The following SAMD12 variants were observed in gnomAD, a reference collection of about 807,000 sequenced individuals.
The protein encoded by SAMD12 is sterile alpha motif domain-containing protein 12.
Under a neutral mutation model 15.0 loss-of-function variants are expected in SAMD12, and 9 were observed. That is an observed-to-expected ratio of 0.60 (90% confidence interval 0.36 to 1.05). The LOEUF (loss-of-function observed/expected upper bound fraction) is 1.05. Ranked by LOEUF, SAMD12 falls within the 50% of genes least tolerant of loss-of-function variation. The pLI, the probability that SAMD12 is intolerant of heterozygous loss-of-function variation, is 0.01. For synonymous variants in SAMD12, 86 were observed against 90.1 expected, an observed-to-expected ratio of 0.96 and a Z score of 0.25; for missense variants, 230 against 234.2, an observed-to-expected ratio of 0.98 and a Z score of 0.12.
chr8:118,340,338 GC>G (rs1817293717), intron 4 of SAMD12, among the ~76,000 whole-genome samples: 1 of 101,784 alleles, frequency 9.8e-6, no homozygotes, highest in South Asian at 3.2e-4. Context: ...TCTTTACCTT[GC>G]CAAGGGGGCC....
intron 3 of SAMD12, chr8:118,400,416 T>C (rs187971355): frequency 4.3e-4 from 65 of 152,348 alleles, no homozygotes; most frequent in African/African-American, 1.4e-3. Context: ...AACATGATTT[T>C]AAGAAACTTT....
intron 3 of SAMD12, 142 bp from the exon 4 acceptor site, chr8:118,379,842 A>G: frequency 2.9e-6 from 3 of 1,040,138 alleles, no homozygotes; most frequent in Non-Finnish European, 4.1e-6. Context: ...TTCCATTATT[A>G]TTGCTGACAC....
chr8:118,601,275 T>G (rs547094705), intron 1 of SAMD12, among the ~76,000 whole-genome samples: 1 of 152,214 alleles, frequency 6.6e-6, no homozygotes, highest in South Asian at 2.1e-4. Flanking sequence ...TTCTTAAATT[T>G]CTAATTGTAT....
At chr8:118,394,518 G>A (rs2130766096) in intron 3 of SAMD12, among the ~76,000 whole-genome samples, 1 of 152,244 alleles carries the variant, frequency 6.6e-6, no homozygotes, top group East Asian at 1.9e-4. Context: ...AATAATATTT[G>A]GGCAGTGTCA....
chr8:118,390,783 G>A (rs1289777472), intron 3 of SAMD12, among the ~76,000 whole-genome samples: 1 of 152,154 alleles, frequency 6.6e-6, no homozygotes, highest in Non-Finnish European at 1.5e-5. Context: ...CTGGGCCAAG[G>A]AAGAGAAGGG....
chr8:118,504,124 T>A (rs774706875), intron 2 of SAMD12, among the ~76,000 whole-genome samples: 1 of 152,132 alleles, frequency 6.6e-6, no homozygotes, highest in Non-Finnish European at 1.5e-5. Context: ...ATTATGAAAT[T>A]CATATTCACT....
At chr8:118,479,550 T>A (rs890094750) in intron 2 of SAMD12, among the ~76,000 whole-genome samples, 1 of 152,066 alleles carries the variant, frequency 6.6e-6, no homozygotes, top group African/African-American at 2.4e-5. Flanking sequence ...TCCCACCGGG[T>A]CCCTCCCACA....
chr8:118,458,994 T>C (rs1823338231), intron 2 of SAMD12, among the ~76,000 whole-genome samples: 1 of 151,528 alleles, frequency 6.6e-6, no homozygotes, highest in Non-Finnish European at 1.5e-5. Flanking sequence ...GTTTATTCAG[T>C]TCATGACTTC....
chr8:118,605,199 A>G (rs1681145734), intron 1 of SAMD12, among the ~76,000 whole-genome samples: 1 of 152,168 alleles, frequency 6.6e-6, no homozygotes. Context: ...CAGAACAGAA[A>G]GGGATGATAC....
At chr8:118,220,356 G>T (rs1370413985) in intron 4 of SAMD12, among the ~76,000 whole-genome samples, 1 of 152,060 alleles carries the variant, frequency 6.6e-6, no homozygotes, top group East Asian at 1.9e-4. Flanking sequence ...AAATAATCTG[G>T]CCATGATTCT....
chr8:118,145,981 G>T, the SAMD12 span, among the ~76,000 whole-genome samples: 6 of 152,200 alleles, frequency 3.9e-5, no homozygotes, highest in Non-Finnish European at 8.8e-5. Context: ...CTTGAAGGGA[G>T]ATCAAAGCGA....
At position 118,614,254 on chromosome 8, in the gene SAMD12, G is replaced by C. The variant is rs1173915846; in HGVS notation, c.13+7550C>G. Among the ~76,000 whole-genome samples, 3 of 152,274 alleles carry C rather than the reference G, an allele frequency of 2.0e-5. No individual in the cohort carries two copies. In the East Asian group the frequency reaches 5.8e-4, roughly 29 times the overall value. On this transcript the variant is annotated intron_variant, in intron 1 of 3. Coordinates refer to ENST00000314727, the MANE Select transcript of SAMD12 (RefSeq NM_207506.3). The stretch of plus-strand genomic sequence containing the variant: ...TTTACTGAGCACCTACCACAAACCA[G>C]GTCTTAAGAGCTTCCCTTATACTAA...
chr8:118,432,800 A>C (rs1822453951), intron 3 of SAMD12, among the ~76,000 whole-genome samples: 2 of 152,132 alleles, frequency 1.3e-5, no homozygotes, highest in Non-Finnish European at 2.9e-5. Flanking sequence ...GTGGGCCTTC[A>C]GCTTAGAGGA....
At chr8:118,168,730 A>C in the SAMD12 span, among the ~76,000 whole-genome samples, 1 of 152,104 alleles carries the variant, frequency 6.6e-6, no homozygotes, top group Non-Finnish European at 1.5e-5. Context: ...AAAACTTCAA[A>C]AATCATTAAA....
chr8:118,392,155 G>A (rs759345021), intron 3 of SAMD12, among the ~76,000 whole-genome samples: 11 of 152,158 alleles, frequency 7.2e-5, no homozygotes, highest in East Asian at 1.9e-4. Flanking sequence ...TTGGCTGGGC[G>A]CAGTGGCTCA....
At chr8:118,549,896 G>A (rs1212072722) in intron 2 of SAMD12, among the ~76,000 whole-genome samples, 1 of 152,168 alleles carries the variant, frequency 6.6e-6, no homozygotes, top group Admixed American at 6.5e-5. Flanking sequence ...AGCCTCAGGA[G>A]CCGATGCGAT....
intron 1 of SAMD12, among the ~76,000 whole-genome samples, chr8:118,609,069 C>CTATACATACATTTTTCAAAGTATG (rs1563610225): frequency 1.3e-5 from 2 of 152,128 alleles, no homozygotes; most frequent in African/African-American, 2.4e-5. Context: ...TCAATGTGAG[C>CTATACATACATTTTTCAAAGTATG]TATACATACA....
At chr8:118,495,064 G>A (rs1824567655) in intron 2 of SAMD12, among the ~76,000 whole-genome samples, 1 of 152,192 alleles carries the variant, frequency 6.6e-6, no homozygotes, top group Non-Finnish European at 1.5e-5. Context: ...TGCCCATAAA[G>A]TGCATGACAC....
At chr8:118,309,394 GTGTGTGTGTGTGTA>G (rs1319498294) in intron 4 of SAMD12, among the ~76,000 whole-genome samples, 74 of 151,760 alleles carry the variant, frequency 4.9e-4, no homozygotes, top group African/African-American at 1.7e-3. Context: ...GTGTGTGTGT[GTGTGTGTGTGTGTA>G]TGTGTATTAT....
Sources: allele counts gnomAD v4.1 joint callset (sites outside exome capture counted in the v4.1 genomes callset), GRCh38; gene constraint gnomAD v4.1.1; transcripts MANE v1.5; gene names NCBI Gene and HGNC (gene_info 2026-07-23, HGNC 2026-07-21).